Variants in GIT1 observed in about 807,000 individuals in gnomAD.
GIT1 encodes ARF GTPase-activating protein GIT1.
GIT1 carries 14 observed loss-of-function variants against 91.7 expected under a neutral mutation model. That is an observed-to-expected ratio of 0.15 (90% confidence interval 0.10 to 0.24). The LOEUF is 0.24. Among genes scored for constraint, GIT1 ranks in the 10% least tolerant of loss-of-function variants. GIT1 has a pLI of 1.00. For missense variants in GIT1, 717 were observed against 1,024.9 expected (o/e 0.70, Z 4.10); for synonymous variants, 414 against 418.2 (o/e 0.99, Z 0.12).
In GIT1 at chr17:29,582,714, G is replaced by A; in HGVS notation, c.389C>T (p.Ala130Val). The change falls in exon 4 of 20, where the codon GCC (alanine) becomes GTC (valine). Residue 130 changes from alanine (A) to valine (V), a missense_variant. Coordinates refer to ENST00000225394, the MANE Select transcript of GIT1 (RefSeq NM_014030.4). The part of the protein sequence containing the change: ...LPCRDDDGVT[A>V]KDLSKQLHSS... ...CCCTCAAACCTTGCTGAGGTCTTTGGCGGTGACTCCATCATCGTCCCGGCA... is the reference window on the plus strand; with the variant it reads ...CCCTCAAACCTTGCTGAGGTCTTTGACGGTGACTCCATCATCGTCCCGGCA... The A allele has an allele frequency of 1.2e-6, 2 of 1,612,872 alleles. No individual in the cohort carries two copies. Among genetic ancestry groups the A allele is most frequent in the African/African-American group, 2.7e-5 (2 of 75,042 alleles).
chr17:29,574,330 T>G lies in GIT1; in HGVS notation c.*372A>C. 16 of 274,078 alleles carry G rather than the reference T, an allele frequency of 5.8e-5. No individual in the cohort carries two copies. Among genetic ancestry groups the G allele is most frequent in the Non-Finnish European group, 9.3e-5 (13 of 140,018 alleles). 17.0% of individuals were successfully genotyped at this position (274,078 alleles called of 1,614,324 possible). A position where few individuals can be genotyped will look rare whatever the true frequency, so the allele number is the denominator to read the frequency against. On this transcript the variant is annotated 3_prime_UTR_variant, in exon 20 of 20. Coordinates refer to ENST00000225394, the MANE Select transcript of GIT1 (RefSeq NM_014030.4). The stretch of plus-strand genomic sequence containing the variant: ...CCCCCAGTAGGGCTGAACTGGCTCA[T>G]GGGGGTGGGGCGCATGTACGGAGAG...
Position 29,581,222 on chromosome 17 carries a change from T to TC in GIT1, c.761+115dup. The stretch of plus-strand genomic sequence containing the variant: ...TGAGGACTAAGCTGTGCCTCTAGTC[T>TC]CTGGGGGGAGGGAGCAGGGTCCTAG... On this transcript the variant is annotated intron_variant, in intron 7 of 19. Transcript: ENST00000225394. This position sits in a 1 kb window ranked among gnomAD's most constrained non-coding sequence, Gnocchi z 4.8. 1 of 777,044 alleles carries TC rather than the reference T, an allele frequency of 1.3e-6. No individual in the cohort carries two copies. The highest frequency in any genetic ancestry group is 2.3e-6 in the Non-Finnish European group (1 of 436,340). The allele number at this position is 777,044 out of a possible 1,614,324, so 48.1% of individuals were successfully genotyped here.
intron 1 of GIT1, among the ~76,000 whole-genome samples, chr17:29,587,321 G>T (rs1252997771): frequency 6.6e-6 from 1 of 152,180 alleles, no homozygotes. Flanking sequence ...AACACTCAGG[G>T]AGTGCCTGCC....
intron 1 of GIT1, among the ~76,000 whole-genome samples, chr17:29,584,715 G>A (rs993013643): frequency 1.3e-5 from 2 of 152,228 alleles, no homozygotes; most frequent in African/African-American, 4.8e-5. Flanking sequence ...GCCTTGCCCT[G>A]TAGCGCTCAG....
chr17:29,588,018 C>T (rs1418310891), intron 1 of GIT1, among the ~76,000 whole-genome samples: 1 of 152,150 alleles, frequency 6.6e-6, no homozygotes, highest in Non-Finnish European at 1.5e-5. Flanking sequence ...CCCTAGGAGG[C>T]CTTGGTCATA....
intron 3 of GIT1, 23 bp downstream of exon 3, chr17:29,582,902 A>C (rs374284172): frequency 2.0e-4 from 313 of 1,575,884 alleles, no homozygotes; most frequent in Non-Finnish European, 2.5e-4. Flanking sequence ...GTCTCTGCCC[A>C]CCACCCCTCC....
chr17:29,577,454 C>G (rs547831493), intron 10 of GIT1, among the ~76,000 whole-genome samples, 191 bp downstream of exon 10: 2 of 152,168 alleles, frequency 1.3e-5, no homozygotes, highest in Non-Finnish European at 2.9e-5. Context: ...GGCCGGAACA[C>G]CCACCGGAGC....
intron 1 of GIT1, 197 bp from the exon 2 acceptor site, chr17:29,583,813 C>T (rs1307892311): frequency 4.9e-6 from 3 of 612,144 alleles, no homozygotes; most frequent in Non-Finnish European, 8.5e-6. Context: ...TGGGGGCTGA[C>T]AGAGCCATGC....
rs1215838594 is a variant in GIT1 at position 29,576,353 on chromosome 17, A to T, written c.1478T>A (p.Met493Lys). ...GCGGTGTGTGCTCCCGCCTGGCGCC[A>T]TGGGTGTGTGTTCCGCCCGTTCACT... ...LPSERAEHTP[M>K]APGGSTHRRD... Residue 493 changes from methionine (M) to lysine (K), a missense_variant, in exon 14 of 20, where the codon ATG becomes AAG. Physicochemically the swap from Met to Lys is moderately conservative, Grantham distance 95. Coordinates refer to ENST00000225394, the MANE Select transcript of GIT1 (RefSeq NM_014030.4). 6.2e-7 allele frequency: 1 copy of T among 1,613,406 alleles called. No homozygotes were observed.
intron 8 of GIT1, 30 bp from the exon 9 acceptor site, chr17:29,578,401 C>A: frequency 6.2e-7 from 1 of 1,605,708 alleles, no homozygotes; most frequent in South Asian, 1.1e-5. Flanking sequence ...CAGATGTTGT[C>A]AGATGCATCG....
chr17:29,575,946 C>G lies in GIT1; in HGVS notation c.1666-48G>C. Reference sequence around the variant, plus strand: ...ATGGAGTCAGTGTGCCCCACTGCCCCCCTGCTCACCAGCAGTGCAGCAGGG... The same window carrying G: ...ATGGAGTCAGTGTGCCCCACTGCCCGCCTGCTCACCAGCAGTGCAGCAGGG... On this transcript the variant is annotated intron_variant, in intron 15 of 19. Coordinates refer to ENST00000225394, the MANE Select transcript of GIT1 (RefSeq NM_014030.4). This position sits in a 1 kb window ranked among gnomAD's most constrained non-coding sequence, Gnocchi z 5.5. 1 of 1,548,624 alleles carries G rather than the reference C, an allele frequency of 6.5e-7. No homozygotes were observed. The highest frequency in any genetic ancestry group is 1.7e-5 in the Admixed American group (1 of 57,704).
At position 29,574,458 on chromosome 17, in the gene GIT1, G is replaced by A. The variant is rs931766242; in HGVS notation, c.*244C>T. On this transcript the variant is annotated 3_prime_UTR_variant, in exon 20 of 20. Transcript: ENST00000225394. ...GCAGGCCCCTGCTCACTAGGAGGGG[G>A]GAGATGCTATATACAGAGGGGAGGT... The A allele has an allele frequency of 3.6e-5, 20 of 560,064 alleles. No homozygotes were observed. Among genetic ancestry groups the A allele is most frequent in the East Asian group, 1.8e-4 (6 of 33,036 alleles). The allele number at this position is 560,064 out of a possible 1,614,324, so 34.7% of individuals were successfully genotyped here.
At chr17:29,587,109 A>C (rs2033617841) in intron 1 of GIT1, among the ~76,000 whole-genome samples, 1 of 152,160 alleles carries the variant, frequency 6.6e-6, no homozygotes, top group African/African-American at 2.4e-5. Flanking sequence ...ATAATAAAAG[A>C]AGCCTGTGAC....
intron 11 of GIT1, 26 bp from the exon 12 acceptor site, chr17:29,577,022 G>A: frequency 6.2e-7 from 1 of 1,605,000 alleles, no homozygotes; most frequent in Non-Finnish European, 8.5e-7. Context: ...TGTCACTCAG[G>A]CCACACTCCA....
At chr17:29,580,583 A>G (rs2033362864) in intron 7 of GIT1, among the ~76,000 whole-genome samples, 2 of 152,280 alleles carry the variant, frequency 1.3e-5, no homozygotes, top group South Asian at 2.1e-4. Flanking sequence ...TCATTCAACC[A>G]GCCTCAGCGC....
In GIT1 at chr17:29,589,582, C is replaced by T; in HGVS notation, c.-204G>A. On this transcript the variant is annotated 5_prime_UTR_variant, in exon 1 of 20. Transcript: ENST00000225394. This position sits in a 1 kb window ranked among gnomAD's most constrained non-coding sequence, Gnocchi z 5.2. ...CCCGCTCGCCCTCGGGCGCCCTCCG[C>T]CCCGCGCCGCCCCGCCGCCGCTCGC... 1 of 147,512 alleles carries T rather than the reference C, an allele frequency of 6.8e-6. No individual in the cohort carries two copies. Among genetic ancestry groups the T allele is most frequent in the African/African-American group, 2.5e-5 (1 of 40,764 alleles). 9.1% of individuals were successfully genotyped at this position (147,512 alleles called of 1,614,324 possible).
At chr17:29,583,829 C>G (rs1567775951) in intron 1 of GIT1, 1 of 591,352 alleles carries the variant, frequency 1.7e-6, no homozygotes, top group Non-Finnish European at 3.0e-6. Flanking sequence ...CATGCCCTTT[C>G]CTACATCCTT....
intron 15 of GIT1, 46 bp downstream of exon 15, chr17:29,576,032 G>A (rs1266869455): frequency 6.3e-7 from 1 of 1,598,312 alleles, no homozygotes; most frequent in Non-Finnish European, 8.6e-7. Flanking sequence ...ACCCCCTGGG[G>A]CTCAGAACCT....
At chr17:29,580,867 A>AC (rs1420211712) in intron 7 of GIT1, among the ~76,000 whole-genome samples, 1 of 147,652 alleles carries the variant, frequency 6.8e-6, no homozygotes, top group African/African-American at 2.5e-5. Flanking sequence ...CGCAACCTCT[A>AC]CCTCCTGTGT....
Sources: gnomAD v4.1 joint callset for allele counts (sites outside exome capture counted in the v4.1 genomes callset) on GRCh38, gnomAD v4.1.1 for gene constraint, Gnocchi (gnomAD v3.1) non-coding constraint, MANE v1.5 for transcripts, NCBI Gene and HGNC (gene_info 2026-07-23, HGNC 2026-07-21) for gene names.